YAE1: variants seen among roughly 807,000 people sequenced by gnomAD.
The protein encoded by YAE1 is protein YAE1 homolog.
In YAE1, 22 loss-of-function variants were observed where a neutral mutation model predicts 23.0. That is an observed-to-expected ratio of 0.96 (90% CI 0.68 to 1.37). The LOEUF (loss-of-function observed/expected upper bound fraction) is 1.37, where lower values mean the gene tolerates loss of function less well. YAE1 is among the 40% of genes most tolerant of loss of function. The probability of loss-of-function intolerance (pLI) is 0.00; values close to 1 mark genes in which losing one functional copy is unlikely to be tolerated. For synonymous variants in YAE1, 101 were observed against 97.0 expected (o/e 1.04, Z -0.24); for missense variants, 260 against 262.1 (o/e 0.99, Z 0.06).
exon 3 of YAE1, chr7:39,610,309 G>T: frequency 2.0e-6 from 1 of 491,292 alleles, no homozygotes; most frequent in African/African-American, 1.9e-5. Flanking sequence ...TCGGTACCAG[G>T]TTTGACCTCA....
At chr7:39,588,953 G>T (rs1389883736) in intron 2 of YAE1, among the ~76,000 whole-genome samples, 2 of 151,872 alleles carry the variant, frequency 1.3e-5, no homozygotes, top group African/African-American at 4.8e-5. Context: ...CTCCTGAATA[G>T]CTTGGATTAC....
At position 39,598,797 on chromosome 7, in the gene YAE1, A is replaced by G. The variant is rs112952831; in HGVS notation, c.252-10820A>G. 3.4e-4 allele frequency among the ~76,000 whole-genome samples: 51 copies of G among 148,430 alleles called. 1 individual carries two copies. The South Asian group carries it at 6.1e-3, about 18-fold the overall frequency. ...GAGGTCCTGTCTCAAAAAAAAAAAA[A>G]AAGAAGAAGAAGAAGAAGGCAACAA... is the stretch of plus-strand genomic sequence containing the variant. On this transcript the variant is annotated intron_variant, in intron 2 of 2. Transcript: ENST00000432096.
intron 2 of YAE1, among the ~76,000 whole-genome samples, chr7:39,598,835 G>A: frequency 6.7e-6 from 1 of 150,100 alleles, no homozygotes; most frequent in Non-Finnish European, 1.5e-5. Flanking sequence ...AGAAGGAGAA[G>A]AAATTAGACG....
chr7:39,576,286 C>T (rs76244213), downstream of YAE1, among the ~76,000 whole-genome samples: 204 of 152,334 alleles, frequency 1.3e-3, no homozygotes, highest in African/African-American at 4.7e-3. Flanking sequence ...AGCTGTCTTC[C>T]TGTCCATTCT....
At chr7:39,572,226 T>C in intron 2 of YAE1, 51 bp from the exon 3 acceptor site, 3 of 1,511,180 alleles carry the variant, frequency 2.0e-6, no homozygotes, top group Non-Finnish European at 1.8e-6. Context: ...GATAGTCTTA[T>C]ATTTTTAAGT....
chr7:39,575,537 G>GGAGAGAGAGAGAGAGAGAGA (rs56954676), downstream of YAE1, among the ~76,000 whole-genome samples: 10 of 131,206 alleles, frequency 7.6e-5, no homozygotes, highest in African/African-American at 1.5e-4. Flanking sequence ...CTAAGATACA[G>GGAGAGAGAGAGAGAGAGAGA]GAGAGAGAGA....
chr7:39,609,830 A>G, exon 3 of YAE1: 2 of 1,532,322 alleles, frequency 1.3e-6, no homozygotes, highest in Non-Finnish European at 1.7e-6. Flanking sequence ...TCCGGGCCCC[A>G]GGCCCTGGGA....
intron 2 of YAE1, among the ~76,000 whole-genome samples, chr7:39,602,204 G>C (rs1046046832): frequency 6.6e-6 from 1 of 152,218 alleles, no homozygotes; most frequent in African/African-American, 2.4e-5. Context: ...CATCTGGTTA[G>C]AGATGCATTA....
At chr7:39,609,841 C>T (rs1036800212) in exon 3 of YAE1, 71 of 1,533,002 alleles carry the variant, frequency 4.6e-5, no homozygotes, top group Non-Finnish European at 6.1e-5. Flanking sequence ...GGCCCTGGGA[C>T]GCCGAGCCAC....
intron 2 of YAE1, among the ~76,000 whole-genome samples, chr7:39,589,918 G>A (rs1019970104): frequency 7.2e-5 from 11 of 152,150 alleles, no homozygotes; most frequent in East Asian, 1.9e-4. Context: ...CACAAGAGAC[G>A]GAGACTATGA....
intron 1 of YAE1, 185 bp downstream of exon 1, chr7:39,566,732 A>G (rs1790475053): frequency 4.8e-6 from 4 of 834,020 alleles, no homozygotes; most frequent in East Asian, 3.1e-5. Context: ...AAACAACAAG[A>G]CGCATTCTTT....
intron 2 of YAE1, among the ~76,000 whole-genome samples, chr7:39,580,538 CCTT>C (rs2115797379): frequency 6.6e-6 from 1 of 152,056 alleles, no homozygotes; most frequent in East Asian, 1.9e-4. Context: ...CTGAGAGAGG[CCTT>C]GGACCTTTGG....
downstream of YAE1, among the ~76,000 whole-genome samples, chr7:39,612,038 C>T (rs141569898): frequency 3.2e-4 from 48 of 152,246 alleles, no homozygotes; most frequent in African/African-American, 9.1e-4. Context: ...TGTACATTTT[C>T]ATTATATGGT....
exon 3 of YAE1, chr7:39,609,974 T>G: frequency 1.3e-6 from 2 of 1,518,704 alleles, no homozygotes; most frequent in Middle Eastern, 1.7e-4. Context: ...TTATCAGAGG[T>G]GGACACATTT....
Position 39,570,578 on chromosome 7 carries a change from A to G in YAE1, c.202A>G (p.Lys68Glu), listed in dbSNP as rs6947660. The G allele has an allele frequency of 0.098, 157,498 of 1,610,484 alleles. 9,240 individuals carry two copies. Among genetic ancestry groups the G allele is most frequent in the African/African-American group, 0.25 (18,948 of 74,640 alleles). ...LQQGFNQGYK[K>E]GAEVILNYGR... is the part of the protein sequence containing the mutation. The stretch of plus-strand genomic sequence containing the variant: ...ACAGGGCTTCAATCAAGGTTATAAG[A>G]AAGGTGCAGAAGTCATTTTAAACTA... The change falls in exon 2 of 3, where the codon AAA (lysine) becomes GAA (glutamate). Residue 68 changes from lysine to glutamate, a missense_variant. Coordinates refer to ENST00000223273, the MANE Select transcript of YAE1 (RefSeq NM_020192.5).
At chr7:39,576,197 G>A (rs1210014095), downstream of YAE1, among the ~76,000 whole-genome samples, 1 of 152,092 alleles carries the variant, frequency 6.6e-6, no homozygotes, top group Non-Finnish European at 1.5e-5. Context: ...GTTTGAGTCT[G>A]GCCTCCTTTC....
At chr7:39,588,089 G>T (rs1193646205) in intron 2 of YAE1, among the ~76,000 whole-genome samples, 1 of 152,146 alleles carries the variant, frequency 6.6e-6, no homozygotes, top group Non-Finnish European at 1.5e-5. Flanking sequence ...AATTTCTCCA[G>T]TCTTCCTTTT....
rs370817416 is a variant in YAE1, at chr7:39,601,136, G to A, written c.252-8481G>A. Among the ~76,000 whole-genome samples, 5 of 152,282 alleles carry A rather than the reference G, an allele frequency of 3.3e-5. No individual in the cohort carries two copies. The South Asian group carries it at 6.2e-4, about 19-fold the overall frequency. On this transcript the variant is annotated intron_variant, in intron 2 of 2. Transcript: ENST00000432096. ...AACCAAACAAAAGCAAGCACAAAGC[G>A]AAAATGCTCTTTGGTTAGGCACAAT...
chr7:39,573,820 T>G (rs1790611275), downstream of YAE1, among the ~76,000 whole-genome samples: 1 of 152,170 alleles, frequency 6.6e-6, no homozygotes, highest in South Asian at 2.1e-4. Context: ...CAGAAAGCCA[T>G]ATTGAGTTTC....
Sources: allele counts gnomAD v4.1 joint callset (sites outside exome capture counted in the v4.1 genomes callset), GRCh38; gene constraint gnomAD v4.1.1; transcripts MANE v1.5; gene names NCBI Gene and HGNC (gene_info 2026-07-23, HGNC 2026-07-21).